Variants in SYTL3 observed in about 807,000 individuals in gnomAD.
The protein encoded by SYTL3 is synaptotagmin like 3, also known as synaptotagmin-like protein 3.
Under a neutral mutation model 82.1 loss-of-function variants are expected in SYTL3, and 88 were observed. The ratio of observed to expected loss-of-function variants is 1.07; its 90% CI spans 0.90 to 1.28. The LOEUF is 1.28. SYTL3 is among the 50% of genes most tolerant of loss of function. The pLI is 0.00. For synonymous variants in SYTL3, 311 were observed against 289.4 expected (o/e 1.07, Z -0.76); for missense variants, 831 against 757.6 (o/e 1.10, Z -1.14).
rs146105559 is a variant in SYTL3, at chr6:158,678,044, C to T, written c.330-4881C>T. On this transcript the variant is annotated intron_variant, in intron 5 of 17. Transcript: ENST00000611299. Reference sequence around the variant, plus strand: ...AGCTGGGACTACTGGCGTGCACCACCATGTCTGGCTGATTTTTGTATTTTT... The same window carrying T: ...AGCTGGGACTACTGGCGTGCACCACTATGTCTGGCTGATTTTTGTATTTTT... Among the ~76,000 whole-genome samples, 1,061 of 152,270 alleles carry T rather than the reference C, an allele frequency of 7.0e-3. 7 individuals are homozygous for T. The highest frequency in any genetic ancestry group is 0.024 in the African/African-American group (983 of 41,540).
chr6:158,762,788 G>A (rs1790151670), intron 16 of SYTL3, among the ~76,000 whole-genome samples: 1 of 152,080 alleles, frequency 6.6e-6, no homozygotes, highest in Non-Finnish European at 1.5e-5. Context: ...GTGGTGGCGG[G>A]CACCTATAAT....
chr6:158,720,120 G>A (rs1783906295), intron 10 of SYTL3, among the ~76,000 whole-genome samples: 1 of 151,792 alleles, frequency 6.6e-6, no homozygotes, highest in South Asian at 2.1e-4. Flanking sequence ...TTTAAAAATT[G>A]GCCGGGCACC....
chr6:158,752,068 C>A (rs370507300), intron 13 of SYTL3, 38 bp downstream of exon 13: 22 of 1,489,602 alleles, frequency 1.5e-5, no homozygotes, highest in East Asian at 2.5e-5. Flanking sequence ...AGAGTCCTCC[C>A]GAGCCCGGGT....
chr6:158,665,731 G>GT lies in SYTL3; in HGVS notation c.329+118_329+119insT, dbSNP rs1789972980. The GT allele has an allele frequency of 2.5e-5, 18 of 707,102 alleles. No individual in the cohort carries two copies. The South Asian group carries it at 3.9e-4, about 15-fold the overall frequency. 43.8% of individuals were successfully genotyped at this position (707,102 alleles called of 1,614,324 possible). A position where few individuals can be genotyped will look rare whatever the true frequency, so the allele number is the denominator to read the frequency against. Reference sequence around the variant, plus strand: ...CACCTTCAGCCAGTAAATGTGTACCGAGTGCCTGATAGGGAGCTACCTTTC... The same window carrying GT: ...CACCTTCAGCCAGTAAATGTGTACCGTAGTGCCTGATAGGGAGCTACCTTTC... On this transcript the variant is annotated intron_variant, in intron 5 of 17. Coordinates refer to ENST00000611299, the MANE Select transcript of SYTL3 (RefSeq NM_001242394.2).
At chr6:158,707,451 G>C (rs1233067309) in intron 7 of SYTL3, among the ~76,000 whole-genome samples, 170 bp downstream of exon 7, 3 of 151,516 alleles carry the variant, frequency 2.0e-5, no homozygotes, top group African/African-American at 4.9e-5. Context: ...TTAAAGCAGA[G>C]ATGTTTCCAG....
intron 2 of SYTL3, among the ~76,000 whole-genome samples, chr6:158,659,978 T>G (rs1022949652): frequency 6.6e-6 from 1 of 152,150 alleles, no homozygotes; most frequent in Non-Finnish European, 1.5e-5. Context: ...TCATGAACCT[T>G]AAGAACCTTG....
intron 5 of SYTL3, among the ~76,000 whole-genome samples, chr6:158,674,095 A>AATAATAATAATAAT (rs796162030): frequency 0.026 from 3,526 of 137,236 alleles, 70 homozygotes; most frequent in East Asian, 0.046. Flanking sequence ...AAATAATAAT[A>AATAATAATAATAAT]ATAATAATAA....
intron 6 of SYTL3, among the ~76,000 whole-genome samples, chr6:158,704,212 G>A (rs759548562): frequency 6.6e-6 from 1 of 152,126 alleles, no homozygotes; most frequent in Non-Finnish European, 1.5e-5. Context: ...ATGAAGTTTC[G>A]TGGGAACGGG....
At chr6:158,679,912 T>A (rs1340955768) in intron 5 of SYTL3, among the ~76,000 whole-genome samples, 1 of 152,198 alleles carries the variant, frequency 6.6e-6, no homozygotes, top group African/African-American at 2.4e-5. Context: ...GTTGTCCCCC[T>A]GTCTGATTAG....
At chr6:158,739,305 A>T (rs1336785431) in intron 11 of SYTL3, among the ~76,000 whole-genome samples, 1 of 152,178 alleles carries the variant, frequency 6.6e-6, no homozygotes, top group Non-Finnish European at 1.5e-5. Flanking sequence ...CTTACTGTTG[A>T]TTCCATCATA....
At chr6:158,754,787 A>C (rs7775812) in intron 13 of SYTL3, among the ~76,000 whole-genome samples, 3 of 152,150 alleles carry the variant, frequency 2.0e-5, no homozygotes, top group African/African-American at 7.2e-5. Flanking sequence ...ATTGACAGAA[A>C]GGGGCGAGCA....
intron 13 of SYTL3, among the ~76,000 whole-genome samples, chr6:158,754,332 C>T (rs1278605399): frequency 6.6e-6 from 1 of 152,208 alleles, no homozygotes; most frequent in Non-Finnish European, 1.5e-5. Context: ...TTGCCTGGCC[C>T]TGCTCTCAAA....
At chr6:158,695,076 T>C (rs1368761657) in intron 6 of SYTL3, among the ~76,000 whole-genome samples, 1 of 152,238 alleles carries the variant, frequency 6.6e-6, no homozygotes, top group Non-Finnish European at 1.5e-5. Context: ...TCACCCTGCT[T>C]TTGTAAATAA....
At chr6:158,720,698 C>T (rs1017677591) in intron 10 of SYTL3, among the ~76,000 whole-genome samples, 3 of 152,094 alleles carry the variant, frequency 2.0e-5, no homozygotes, top group Non-Finnish European at 4.4e-5. Context: ...AGCGTAATGC[C>T]CTTCAGAGGT....
At chr6:158,722,028 TTAA>T (rs1784163499) in intron 10 of SYTL3, among the ~76,000 whole-genome samples, 1 of 152,238 alleles carries the variant, frequency 6.6e-6, no homozygotes, top group African/African-American at 2.4e-5. Context: ...CATCAGATTA[TTAA>T]TATTTCATCA....
rs1790293578 is a variant in SYTL3 at position 158,763,516 on chromosome 6, C to G, written c.1723+7C>G. On this transcript the variant is annotated splice_region_variant and intron_variant, in intron 17 of 17. Transcript: ENST00000611299. The stretch of plus-strand genomic sequence containing the variant: ...GGAACCAGACTTGGTTCAAGTAAGT[C>G]TGAGACATTGAGCCCAAACGTTTAT... The G allele has an allele frequency of 6.2e-7, 1 of 1,612,080 alleles. No homozygotes were observed. The highest frequency in any genetic ancestry group is 8.5e-7 in the Non-Finnish European group (1 of 1,178,278).
intron 6 of SYTL3, among the ~76,000 whole-genome samples, chr6:158,704,510 G>T (rs1388399054): frequency 6.6e-6 from 1 of 152,274 alleles, no homozygotes; most frequent in African/African-American, 2.4e-5. Context: ...AACTGCCCGT[G>T]GGGGATAGCA....
chr6:158,678,749 G>T (rs555625411), intron 5 of SYTL3, among the ~76,000 whole-genome samples: 1 of 152,132 alleles, frequency 6.6e-6, no homozygotes, highest in African/African-American at 2.4e-5. Context: ...CATGGGTCAG[G>T]TCTCCTGATT....
chr6:158,686,705 A>AT (rs1779333256), intron 6 of SYTL3, among the ~76,000 whole-genome samples: 1 of 152,200 alleles, frequency 6.6e-6, no homozygotes, highest in East Asian at 1.9e-4. Flanking sequence ...CTGTCTGGTT[A>AT]TTTGAATAAG....
Sources: allele counts gnomAD v4.1 joint callset (sites outside exome capture counted in the v4.1 genomes callset), GRCh38; gene constraint gnomAD v4.1.1; transcripts MANE v1.5; gene names NCBI Gene and HGNC (gene_info 2026-07-23, HGNC 2026-07-21).